Variants in CIAO3 observed in about 807,000 individuals in gnomAD.
CIAO3 encodes LET1 like/JFP15.
CIAO3 carries 45 observed loss-of-function variants against 51.5 expected under a neutral mutation model. That is an observed-to-expected ratio of 0.87 (90% confidence interval 0.69 to 1.12). The LOEUF is 1.12. Ranked by LOEUF, CIAO3 falls within the 50% of genes most tolerant of loss-of-function variation. CIAO3 has a pLI of 0.00. For synonymous variants in CIAO3, 314 were observed against 269.3 expected (o/e 1.17, Z -1.63); for missense variants, 668 against 632.5 (o/e 1.06, Z -0.60).
chr16:733,452 C>T (rs1057365394), intron 6 of CIAO3, 25 bp from the exon 7 acceptor site: 2 of 1,612,822 alleles, frequency 1.2e-6, no homozygotes, highest in Non-Finnish European at 1.7e-6. Context: ...AAACACTTGT[C>T]TCCCCAATCC....
intron 3 of CIAO3, 120 bp from the exon 4 acceptor site, chr16:736,518 C>CTTTT: frequency 5.1e-6 from 5 of 985,452 alleles, no homozygotes; most frequent in Admixed American, 5.9e-5. Context: ...CATCAAGAGT[C>CTTTT]TTTTTTTTTT....
chr16:736,301 G>C lies in CIAO3; in HGVS notation c.404C>G (p.Thr135Ser). 6.2e-7 allele frequency: 1 copy of C among 1,613,038 alleles called. No individual in the cohort carries two copies. The highest frequency in any genetic ancestry group is 8.5e-7 in the Non-Finnish European group (1 of 1,179,808). The change falls in exon 4 of 11, where the codon ACT becomes AGT. Residue 135 changes from threonine to serine, a missense_variant. By Grantham distance (58) the Thr-to-Ser change is moderately conservative. Transcript: ENST00000251588. ...AARFQLNPTD[T>S]ARKLTSFFKK... ...AAAGAATGAGGTTAATTTCCTGGCA[G>C]TATCTGTAGGATTCAGCTGAAACCG...
chr16:738,802 G>A (rs1297292913), intron 2 of CIAO3, among the ~76,000 whole-genome samples: 1 of 150,480 alleles, frequency 6.6e-6, no homozygotes, highest in Non-Finnish European at 1.5e-5. Flanking sequence ...CATGCGCCAC[G>A]ACACCCAACT....
intron 7 of CIAO3, 138 bp downstream of exon 7, chr16:733,160 G>A: frequency 4.5e-6 from 5 of 1,114,766 alleles, no homozygotes; most frequent in Non-Finnish European, 3.8e-6. Flanking sequence ...AGAGACGAAG[G>A]TACGTGCACG....
At position 731,840 on chromosome 16, in the gene CIAO3, T is replaced by G. The variant is rs553449797; in HGVS notation, c.897-138A>C. 5.9e-6 allele frequency: 7 copies of G among 1,189,632 alleles called. No homozygotes were observed. The South Asian group carries it at 1.2e-4, about 21-fold the overall frequency. 73.7% of individuals were successfully genotyped at this position (1,189,632 alleles called of 1,614,324 possible). A position where few individuals can be genotyped will look rare whatever the true frequency, so the allele number is the denominator to read the frequency against. On this transcript the variant is annotated intron_variant, in intron 8 of 10. Transcript: ENST00000251588. ...CACAGACACAGAGGAACAGCTCCTG[T>G]GTCACCAGCCATCACAGGGGCCCAG...
At chr16:732,993 G>C (rs2041301078) in intron 7 of CIAO3, 6 of 387,448 alleles carry the variant, frequency 1.5e-5, no homozygotes, top group Non-Finnish European at 2.9e-5. Context: ...ACTCAGGAAT[G>C]GGGTGACTCA....
At chr16:738,239 G>A (rs544576328) in intron 2 of CIAO3, 2 of 988,234 alleles carry the variant, frequency 2.0e-6, no homozygotes, top group East Asian at 1.1e-4. Context: ...TTCGTTTGTG[G>A]GCTGGGCCCC....
At chr16:736,441 T>G (rs757766979) in intron 3 of CIAO3, 43 bp from the exon 4 acceptor site, 4 of 1,609,138 alleles carry the variant, frequency 2.5e-6, no homozygotes, top group Admixed American at 1.7e-5. Context: ...GCTGGCCTTA[T>G]GCTGATTCCT....
Position 736,360 on chromosome 16 carries a change from C to A in CIAO3, c.345G>T (p.Ser115=). Residue 115 remains serine (S), a synonymous_variant, in exon 4 of 11, where the codon TCG becomes TCT. Coordinates refer to ENST00000251588, the MANE Select transcript of CIAO3 (RefSeq NM_022493.3). ...GCGATGCTCTAGACTGTGGTGAGACCGAAACTACAACCAGCCTCTGCTGAC... is the reference window on the plus strand; with the variant it reads ...GCGATGCTCTAGACTGTGGTGAGACAGAAACTACAACCAGCCTCTGCTGAC... ...APSQQRLVVV[S]VSPQSRASLA... is the part of the protein sequence containing the mutation. 1.2e-6 allele frequency: 2 copies of A among 1,612,958 alleles called. No homozygotes were observed. The highest frequency in any genetic ancestry group is 8.5e-7 in the Non-Finnish European group (1 of 1,179,812).
chr16:731,983 C>T (rs1245721403), intron 8 of CIAO3: 2 of 528,770 alleles, frequency 3.8e-6, no homozygotes, highest in Non-Finnish European at 6.6e-6. Context: ...ATTCTCATGC[C>T]TCAACCTCCC....
chr16:731,242 G>A (rs982114560), intron 9 of CIAO3: 2 of 632,940 alleles, frequency 3.2e-6, no homozygotes, highest in Non-Finnish European at 5.4e-6. Context: ...CCTCCCCAGG[G>A]ATGTCTGTGA....
rs1204997674 is a variant in CIAO3 at position 736,387 on chromosome 16, G to A, written c.318C>T (p.Pro106=). Residue 106 remains proline (P), a synonymous_variant, in exon 4 of 11, where the codon CCC becomes CCT. Coordinates refer to ENST00000251588, the MANE Select transcript of CIAO3 (RefSeq NM_022493.3). ...AAACTACAACCAGCCTCTGCTGACTGGGTGCCGCCATCTGCAAAGCAAGGG... is the reference window on the plus strand; with the variant it reads ...AAACTACAACCAGCCTCTGCTGACTAGGTGCCGCCATCTGCAAAGCAAGGG... The part of the protein sequence containing the change: ...KVLDANKMAA[P]SQQRLVVVSV... 2 of 1,612,738 alleles carry A rather than the reference G, an allele frequency of 1.2e-6. No homozygotes were observed. Among genetic ancestry groups the A allele is most frequent in the African/African-American group, 2.7e-5 (2 of 74,932 alleles).
At chr16:731,377 T>G (rs2041279841) in intron 9 of CIAO3, 188 bp downstream of exon 9, 1 of 757,326 alleles carries the variant, frequency 1.3e-6, no homozygotes, top group Non-Finnish European at 2.0e-6. Context: ...AGGCCTGGAG[T>G]GCTTAGGTGC....
rs564053628 is a variant in CIAO3 at position 732,180 on chromosome 16, C to T, written c.896+121G>A. 290 of 1,095,742 alleles carry T rather than the reference C, an allele frequency of 2.6e-4. 1 individual carries two copies. The African/African-American group carries it at 3.7e-3, about 14-fold the overall frequency. The allele number at this position is 1,095,742 out of a possible 1,614,324, so 67.9% of individuals were successfully genotyped here. A position where few individuals can be genotyped will look rare whatever the true frequency, so the allele number is the denominator to read the frequency against. ...GGCGTGAGCTACTGCGCCTGGCTATCCAGCCACTTCTGTGGACGCCAAGAT... is the reference window on the plus strand; with the variant it reads ...GGCGTGAGCTACTGCGCCTGGCTATTCAGCCACTTCTGTGGACGCCAAGAT... On this transcript the variant is annotated intron_variant, in intron 8 of 10. Coordinates refer to ENST00000251588, the MANE Select transcript of CIAO3 (RefSeq NM_022493.3).
chr16:730,364 G>A lies in CIAO3; in HGVS notation c.*53C>T. ...AAGCCCTGGGGTCTTGGGGCATGTGGTTCTGCTGTCACACATGGACACGGC... is the reference window on the plus strand; with the variant it reads ...AAGCCCTGGGGTCTTGGGGCATGTGATTCTGCTGTCACACATGGACACGGC... On this transcript the variant is annotated 3_prime_UTR_variant, in exon 11 of 11. Coordinates refer to ENST00000251588, the MANE Select transcript of CIAO3 (RefSeq NM_022493.3). 1.3e-6 allele frequency: 2 copies of A among 1,536,722 alleles called. No individual in the cohort carries two copies. Among genetic ancestry groups the A allele is most frequent in the Non-Finnish European group, 1.8e-6 (2 of 1,127,928 alleles).
chr16:731,723 T>C, intron 8 of CIAO3, 21 bp from the exon 9 acceptor site: 3 of 1,535,626 alleles, frequency 2.0e-6, no homozygotes, highest in Non-Finnish European at 2.6e-6. Context: ...GGGAGGGGCC[T>C]CAGCACAGCT....
At chr16:740,356 G>A (rs1270483617) in intron 1 of CIAO3, 14 of 349,776 alleles carry the variant, frequency 4.0e-5, no homozygotes, top group African/African-American at 6.4e-5. Context: ...CCAGGGCGAC[G>A]TTAAGGACAG....
chr16:740,317 C>T (rs989553977), intron 1 of CIAO3: 1 of 354,846 alleles, frequency 2.8e-6, no homozygotes, highest in Non-Finnish European at 5.6e-6. Context: ...CCTGCAGCCT[C>T]CCGGGTTCAA....
At position 729,832 on chromosome 16, in the gene CIAO3, G is replaced by A. The variant is rs2041249752; in HGVS notation, c.*585C>T. ...AGGCCTGGTGGGGACCTGGCTGGGG[G>A]ATGATGCAGCCCGCGATGGCTGCTG... is the stretch of plus-strand genomic sequence containing the variant. On this transcript the variant is annotated 3_prime_UTR_variant, in exon 11 of 11. Transcript: ENST00000251588. 2 of 721,738 alleles carry A rather than the reference G, an allele frequency of 2.8e-6. No individual in the cohort carries two copies. Among genetic ancestry groups the A allele is most frequent in the Non-Finnish European group, 4.0e-6 (2 of 501,976 alleles). The allele number at this position is 721,738 out of a possible 1,614,324, so 44.7% of individuals were successfully genotyped here. A position where few individuals can be genotyped will look rare whatever the true frequency, so the allele number is the denominator to read the frequency against.
Sources: gnomAD v4.1 joint callset for allele counts (sites outside exome capture counted in the v4.1 genomes callset) on GRCh38, gnomAD v4.1.1 for gene constraint, MANE v1.5 for transcripts, NCBI Gene and HGNC (gene_info 2026-07-23, HGNC 2026-07-21) for gene names.